BCR: variants seen among roughly 807,000 people sequenced by gnomAD.
The protein encoded by BCR is BCR activator of RhoGEF and GTPase, also known as breakpoint cluster region protein.
Under a neutral mutation model 138.6 loss-of-function variants are expected in BCR, and 58 were observed. The ratio of observed to expected loss-of-function variants is 0.42; its 90% confidence interval spans 0.34 to 0.52. The LOEUF is 0.52. BCR is among the 20% of genes least tolerant of loss of function. The pLI, the probability that BCR is intolerant of heterozygous loss-of-function variation, is 0.06. For synonymous variants in BCR, 786 were observed against 730.1 expected (o/e 1.08, Z -1.23); for missense variants, 1,599 against 1,727.2 (o/e 0.93, Z 1.32).
At chr22:23,312,060 G>T (rs2074013874) in intron 19 of BCR, 2 of 881,552 alleles carry the variant, frequency 2.3e-6, no homozygotes, top group Non-Finnish European at 3.3e-6. Flanking sequence ...TGCTGGGGTA[G>T]GCCAGGGGTT....
At chr22:23,302,095 C>T (rs1231960461) in intron 16 of BCR, among the ~76,000 whole-genome samples, 1 of 152,098 alleles carries the variant, frequency 6.6e-6, no homozygotes, top group Non-Finnish European at 1.5e-5. Flanking sequence ...GCCACCCCCA[C>T]CCTCATGGAG....
intron 1 of BCR, among the ~76,000 whole-genome samples, chr22:23,182,594 T>C (rs2072285521): frequency 6.6e-6 from 1 of 152,166 alleles, no homozygotes; most frequent in South Asian, 2.1e-4. Flanking sequence ...TGCCGGGCAG[T>C]GAGGATGGCA....
At chr22:23,273,036 GCTT>G in intron 6 of BCR, 42 bp from the exon 7 acceptor site, 5 of 1,602,000 alleles carry the variant, frequency 3.1e-6, no homozygotes, top group Non-Finnish European at 4.3e-6. Flanking sequence ...CAGCTGGTGT[GCTT>G]CTCCATGTGC....
At chr22:23,282,619 T>C (rs1014512053) in intron 8 of BCR, among the ~76,000 whole-genome samples, 3 of 152,104 alleles carry the variant, frequency 2.0e-5, no homozygotes, top group African/African-American at 7.2e-5. Flanking sequence ...AACCTCAGGC[T>C]GCAGGTGACA....
intron 3 of BCR, 124 bp downstream of exon 3, chr22:23,261,178 T>C: frequency 1.7e-6 from 2 of 1,188,850 alleles, no homozygotes; most frequent in South Asian, 1.4e-5. Flanking sequence ...ATCCCTGGAG[T>C]GGATACCAGT....
At chr22:23,277,142 C>A in intron 8 of BCR, among the ~76,000 whole-genome samples, 1 of 152,270 alleles carries the variant, frequency 6.6e-6, no homozygotes, top group East Asian at 1.9e-4. Flanking sequence ...TTTCTCAGTT[C>A]TGCCCATCTC....
chr22:23,187,613 C>T (rs1456059822), intron 1 of BCR, among the ~76,000 whole-genome samples: 1 of 151,770 alleles, frequency 6.6e-6, no homozygotes, highest in Non-Finnish European at 1.5e-5. Context: ...GAATTACAGG[C>T]GTGAGCCACC....
intron 1 of BCR, among the ~76,000 whole-genome samples, chr22:23,231,133 C>T (rs189972781): frequency 4.6e-5 from 7 of 152,208 alleles, no homozygotes; most frequent in African/African-American, 1.7e-4. Flanking sequence ...GGAAGCTGCC[C>T]TTTTTTCCTA....
intron 21 of BCR, among the ~76,000 whole-genome samples, 196 bp downstream of exon 21, chr22:23,314,269 C>T (rs1165316848): frequency 1.3e-5 from 2 of 152,216 alleles, no homozygotes; most frequent in Admixed American, 1.3e-4. Flanking sequence ...TCTCTCTGCA[C>T]TGTGGCCTTA....
At chr22:23,185,232 G>A (rs1378103748) in intron 1 of BCR, among the ~76,000 whole-genome samples, 1 of 152,218 alleles carries the variant, frequency 6.6e-6, no homozygotes, top group Non-Finnish European at 1.5e-5. Context: ...GCACGTGGTG[G>A]CCCTGCGGTG....
chr22:23,316,017 C>CGAGATCT lies in BCR; in HGVS notation c.*495_*496insGAGATCT. 6.6e-5 allele frequency: 16 copies of CGAGATCT among 241,932 alleles called. No individual in the cohort carries two copies. Among genetic ancestry groups the CGAGATCT allele is most frequent in the South Asian group, 2.5e-4 (4 of 15,918 alleles). The allele number at this position is 241,932 out of a possible 1,614,324, so 15.0% of individuals were successfully genotyped here. On this transcript the variant is annotated 3_prime_UTR_variant, in exon 23 of 23. Transcript: ENST00000305877. The stretch of plus-strand genomic sequence containing the variant: ...TCTTCCATTTCCCTGACTTAGAAAC[C>CGAGATCT]ACACTCCACTTCTAACAGGGTTTGA...
intron 4 of BCR, chr22:23,264,304 A>G: frequency 1.0e-6 from 1 of 962,448 alleles, no homozygotes; most frequent in East Asian, 2.4e-5. Context: ...ACCACCAAGC[A>G]TCTCTATGCT....
chr22:23,313,402 T>C (rs1481763559), intron 20 of BCR, among the ~76,000 whole-genome samples: 1 of 152,224 alleles, frequency 6.6e-6, no homozygotes, highest in African/African-American at 2.4e-5. Context: ...TTAGTCAACC[T>C]GGAGGCTGAT....
chr22:23,275,848 C>A (rs920596359), intron 8 of BCR, among the ~76,000 whole-genome samples: 2 of 152,214 alleles, frequency 1.3e-5, no homozygotes, highest in African/African-American at 4.8e-5. Flanking sequence ...TGTGGGCGTC[C>A]TTTTTCCCAT....
At chr22:23,314,152 C>T in intron 21 of BCR, 79 bp downstream of exon 21, 1 of 1,172,930 alleles carries the variant, frequency 8.5e-7, no homozygotes, top group South Asian at 1.2e-5. Flanking sequence ...ACTAGACCCC[C>T]AACACCGAGG....
At position 23,264,236 on chromosome 22, in the gene BCR, G is replaced by T. The variant is rs374692812; in HGVS notation, c.1752+2696G>T. 2.9e-5 allele frequency: 29 copies of T among 1,012,418 alleles called. No individual in the cohort carries two copies. The African/African-American group carries it at 4.4e-4, about 15-fold the overall frequency. The allele number at this position is 1,012,418 out of a possible 1,614,324, so 62.7% of individuals were successfully genotyped here. ...GGGACCGGCACCAAAGGGCCTGCCC[G>T]CACACCTTCCCGCTGACGTCGACCC... On this transcript the variant is annotated intron_variant, in intron 4 of 22. Coordinates refer to ENST00000305877, the MANE Select transcript of BCR (RefSeq NM_004327.4).
intron 1 of BCR, among the ~76,000 whole-genome samples, chr22:23,187,015 C>A (rs966211002): frequency 6.6e-6 from 1 of 152,226 alleles, no homozygotes; most frequent in Non-Finnish European, 1.5e-5. Flanking sequence ...GGATTATAGG[C>A]ATGAGCCACT....
At position 23,307,145 on chromosome 22, in the gene BCR, G is replaced by C. The variant is rs537680900; in HGVS notation, c.3013-2279G>C. Among the ~76,000 whole-genome samples, 529 of 152,326 alleles carry C rather than the reference G, an allele frequency of 3.5e-3. 2 individuals carry two copies. Among genetic ancestry groups the C allele is most frequent in the Middle Eastern group, 6.8e-3 (2 of 294 alleles). ...GTCTCTCGCTTTGTTGCGCAGGCTG[G>C]AGTGCAATGGCATGATCATGGCTCA... On this transcript the variant is annotated intron_variant, in intron 16 of 22. Coordinates refer to ENST00000305877, the MANE Select transcript of BCR (RefSeq NM_004327.4).
intron 4 of BCR, among the ~76,000 whole-genome samples, chr22:23,265,460 C>T (rs919316226): frequency 1.3e-5 from 2 of 152,206 alleles, no homozygotes; most frequent in East Asian, 1.9e-4. Context: ...TTGCAGTGCC[C>T]TTCCCAGCTC....
Sources: gnomAD v4.1 joint callset for allele counts (sites outside exome capture counted in the v4.1 genomes callset) on GRCh38, gnomAD v4.1.1 for gene constraint, MANE v1.5 for transcripts, NCBI Gene and HGNC (gene_info 2026-07-23, HGNC 2026-07-21) for gene names.